Variants in ELOVL2 observed in about 807,000 individuals in gnomAD.
ELOVL2 encodes very long chain fatty acid elongase 2.
ELOVL2 carries 38 observed loss-of-function variants against 37.7 expected under a neutral mutation model. The observed-to-expected ratio is 1.01, with a 90% CI of 0.78 to 1.32. The LOEUF (loss-of-function observed/expected upper bound fraction) is 1.32, where lower values mean the gene tolerates loss of function less well. Ranked by LOEUF, ELOVL2 falls within the 40% of genes most tolerant of loss-of-function variation. The pLI, the probability that ELOVL2 is intolerant of heterozygous loss-of-function variation, is 0.00. For synonymous variants in ELOVL2, 115 were observed against 122.3 expected (o/e 0.94, Z 0.40); for missense variants, 352 against 363.6 (o/e 0.97, Z 0.26).
intron 7 of ELOVL2, among the ~76,000 whole-genome samples, chr6:10,986,469 G>C (rs1268574215): frequency 6.6e-6 from 1 of 152,022 alleles, no homozygotes. Context: ...CATTCAGTAT[G>C]ATATTGGCTG....
chr6:11,019,805 G>A (rs1782738152), intron 1 of ELOVL2, among the ~76,000 whole-genome samples: 2 of 150,002 alleles, frequency 1.3e-5, no homozygotes, highest in African/African-American at 2.5e-5. Flanking sequence ...GTGCAGTGGT[G>A]CGATCTCAGC....
At chr6:10,987,093 G>A (rs1177442592) in intron 7 of ELOVL2, among the ~76,000 whole-genome samples, 1 of 152,144 alleles carries the variant, frequency 6.6e-6, no homozygotes, top group Non-Finnish European at 1.5e-5. Flanking sequence ...TGTATGTGTC[G>A]AGGAATTCAT....
chr6:11,030,023 A>G (rs1430295486), intron 1 of ELOVL2, among the ~76,000 whole-genome samples: 3 of 152,192 alleles, frequency 2.0e-5, no homozygotes, highest in Admixed American at 6.5e-5. Context: ...GGTTCTTATG[A>G]CAATGCTGGG....
At chr6:11,028,032 G>T (rs1371151172) in intron 1 of ELOVL2, among the ~76,000 whole-genome samples, 2 of 151,958 alleles carry the variant, frequency 1.3e-5, no homozygotes, top group Non-Finnish European at 2.9e-5. Flanking sequence ...AATTCCTTTT[G>T]CCTGAGCCTT....
chr6:11,025,921 TAAA>T (rs1235188282), intron 1 of ELOVL2, among the ~76,000 whole-genome samples: 1 of 152,216 alleles, frequency 6.6e-6, no homozygotes, highest in Non-Finnish European at 1.5e-5. Flanking sequence ...AATGCAGCTG[TAAA>T]AGATTTATAG....
chr6:11,028,834 T>A (rs1039250186), intron 1 of ELOVL2, among the ~76,000 whole-genome samples: 1 of 152,082 alleles, frequency 6.6e-6, no homozygotes, highest in Non-Finnish European at 1.5e-5. Context: ...GCAGGTATGT[T>A]CATCCCCCTT....
At chr6:10,991,225 C>G (rs1325001959) in intron 5 of ELOVL2, among the ~76,000 whole-genome samples, 1 of 152,222 alleles carries the variant, frequency 6.6e-6, no homozygotes, top group Non-Finnish European at 1.5e-5. Flanking sequence ...GCCACAGATG[C>G]ATCACTTGTT....
chr6:11,000,059 G>T, intron 4 of ELOVL2, 28 bp downstream of exon 4: 2 of 1,605,808 alleles, frequency 1.2e-6, no homozygotes, highest in Non-Finnish European at 1.7e-6. Context: ...ACTGGTTATA[G>T]TTGGTTGATT....
At position 10,982,494 on chromosome 6, in the gene ELOVL2, A is replaced by T. The variant is rs1206569892; in HGVS notation, c.*1287T>A. Reference sequence around the variant, plus strand: ...AGGGTATAAATTAATCTTCAAAAAAATCTTCAGAAAATATTCTTTGTTTCC... The same window carrying T: ...AGGGTATAAATTAATCTTCAAAAAATTCTTCAGAAAATATTCTTTGTTTCC... On this transcript the variant is annotated 3_prime_UTR_variant, in exon 8 of 8. Transcript: ENST00000354666. 13 of 152,224 alleles carry T rather than the reference A, an allele frequency of 8.5e-5. No homozygotes were observed. Among genetic ancestry groups the T allele is most frequent in the Non-Finnish European group, 1.8e-4 (12 of 68,034 alleles). The allele number at this position is 152,224 out of a possible 1,614,324, so 9.4% of individuals were successfully genotyped here.
intron 1 of ELOVL2, among the ~76,000 whole-genome samples, chr6:11,041,974 AC>A (rs1277527019): frequency 7.3e-5 from 11 of 150,324 alleles, no homozygotes; most frequent in African/African-American, 2.7e-4. Context: ...TATAAATTCA[AC>A]CCCCTAACTT....
At position 10,988,455 on chromosome 6, in the gene ELOVL2, T is replaced by G. The variant is rs556907418; in HGVS notation, c.765+1248A>C. On this transcript the variant is annotated intron_variant, in intron 7 of 7. Transcript: ENST00000354666. ...GGCACACGCCTGTAATCCCAGCTAC[T>G]TGGGAGGCTGAGGCAGGAGAATCAC... Among the ~76,000 whole-genome samples the G allele has an allele frequency of 3.3e-3, 509 of 152,272 alleles. 2 individuals are homozygous for G. Among genetic ancestry groups the G allele is most frequent in the Non-Finnish European group, 5.9e-3 (400 of 68,016 alleles).
rs368616069 is a variant in ELOVL2, at chr6:10,983,758, T to A, written c.*23A>T. On this transcript the variant is annotated 3_prime_UTR_variant, in exon 8 of 8. Coordinates refer to ENST00000354666, the MANE Select transcript of ELOVL2 (RefSeq NM_017770.4). ...CAAGCCAATCTGTTAGGCTAGTATATGTGCTTTTTCTGTTACTCATTTTTA... is the reference window on the plus strand; with the variant it reads ...CAAGCCAATCTGTTAGGCTAGTATAAGTGCTTTTTCTGTTACTCATTTTTA... 27 of 1,593,410 alleles carry A rather than the reference T, an allele frequency of 1.7e-5. No individual in the cohort carries two copies. Among genetic ancestry groups the A allele is most frequent in the Non-Finnish European group, 2.1e-5 (25 of 1,171,764 alleles).
rs1781964502 is a variant in ELOVL2, at chr6:10,982,834, G to A, written c.*947C>T. On this transcript the variant is annotated 3_prime_UTR_variant, in exon 8 of 8. Coordinates refer to ENST00000354666, the MANE Select transcript of ELOVL2 (RefSeq NM_017770.4). ...AGTAGGCTCACAAAAAAGAGTTGACGAATTCAGTGCCTATTTTGCTCCCAT... is the reference window on the plus strand; with the variant it reads ...AGTAGGCTCACAAAAAAGAGTTGACAAATTCAGTGCCTATTTTGCTCCCAT... 6.6e-6 allele frequency: 1 copy of A among 152,194 alleles called. No individual in the cohort carries two copies. The highest frequency in any genetic ancestry group is 1.9e-4 in the East Asian group (1 of 5,202). 9.4% of individuals were successfully genotyped at this position (152,194 alleles called of 1,614,324 possible).
intron 1 of ELOVL2, among the ~76,000 whole-genome samples, chr6:11,041,492 A>C (rs1036286984): frequency 3.9e-5 from 6 of 152,228 alleles, no homozygotes; most frequent in African/African-American, 1.2e-4. Context: ...GAATCGAAAG[A>C]GAAAAAGGCT....
At position 11,028,377 on chromosome 6, in the gene ELOVL2, T is replaced by G. The variant is rs550322251; in HGVS notation, c.3+15851A>C. ...CTTTAGTCTGGCCACTGTATAGAGA[T>G]TCTGCCTTTGACTAGACGCAGGTGT... is the stretch of plus-strand genomic sequence containing the variant. On this transcript the variant is annotated intron_variant, in intron 1 of 7. Coordinates refer to ENST00000354666, the MANE Select transcript of ELOVL2 (RefSeq NM_017770.4). 5.9e-5 allele frequency among the ~76,000 whole-genome samples: 9 copies of G among 152,338 alleles called. 1 individual carries two copies. The highest frequency in any genetic ancestry group is 5.2e-4 in the Admixed American group (8 of 15,310).
intron 7 of ELOVL2, among the ~76,000 whole-genome samples, chr6:10,985,901 T>C (rs947701967): frequency 1.1e-4 from 16 of 152,072 alleles, no homozygotes; most frequent in Admixed American, 2.0e-4. Flanking sequence ...ATTGGTAGCT[T>C]GATGGGGATG....
At chr6:11,011,977 T>A (rs534547734) in intron 1 of ELOVL2, among the ~76,000 whole-genome samples, 1 of 152,192 alleles carries the variant, frequency 6.6e-6, no homozygotes, top group African/African-American at 2.4e-5. Flanking sequence ...GGAGCATGCA[T>A]TAGATTCAGC....
intron 6 of ELOVL2, among the ~76,000 whole-genome samples, chr6:10,990,067 A>T (rs564013741): frequency 6.6e-6 from 1 of 152,350 alleles, no homozygotes; most frequent in East Asian, 1.9e-4. Context: ...TATTTAGACA[A>T]AAAGGATTTA....
intron 1 of ELOVL2, among the ~76,000 whole-genome samples, chr6:11,014,161 A>G (rs920264115): frequency 7.9e-5 from 12 of 152,294 alleles, no homozygotes; most frequent in African/African-American, 2.9e-4. Context: ...AGGAATGTAA[A>G]ATGGTACAAC....
Sources: allele counts gnomAD v4.1 joint callset (sites outside exome capture counted in the v4.1 genomes callset), GRCh38; gene constraint gnomAD v4.1.1; transcripts MANE v1.5; gene names NCBI Gene and HGNC (gene_info 2026-07-23, HGNC 2026-07-21).